The following CAMK1D variants were observed in gnomAD, a reference collection of about 807,000 sequenced individuals.
CAMK1D encodes the protein calcium/calmodulin dependent protein kinase ID, also known as calcium/calmodulin-dependent protein kinase type 1D.
CAMK1D carries 9 observed loss-of-function variants against 47.7 expected under a neutral mutation model. The ratio of observed to expected loss-of-function variants is 0.19; its 90% CI spans 0.11 to 0.33. CAMK1D has a LOEUF of 0.33. Among genes scored for constraint, CAMK1D ranks in the 10% least tolerant of loss-of-function variants. The pLI, the probability that CAMK1D is intolerant of heterozygous loss-of-function variation, is 1.00. For missense variants in CAMK1D, 291 were observed against 488.7 expected, an observed-to-expected ratio of 0.60 and a Z score of 3.81; for synonymous variants, 184 against 184.9, an observed-to-expected ratio of 0.99 and a Z score of 0.04.
chr10:12,574,342 C>T (rs1009259883), intron 2 of CAMK1D, among the ~76,000 whole-genome samples: 1 of 151,816 alleles, frequency 6.6e-6, no homozygotes, highest in Admixed American at 6.6e-5. Flanking sequence ...TGTTCTGTCG[C>T]CTGGGCTGGA....
intron 1 of CAMK1D, among the ~76,000 whole-genome samples, chr10:12,468,127 C>T (rs542614094): frequency 3.8e-4 from 58 of 152,150 alleles, no homozygotes; most frequent in African/African-American, 1.1e-3. Flanking sequence ...GCCATCATGG[C>T]GCACTGCAGC....
chr10:12,435,221 CAAAAAAAAAAAAA>C (rs910066372), intron 1 of CAMK1D, among the ~76,000 whole-genome samples: 3 of 44,030 alleles, frequency 6.8e-5, no homozygotes, highest in South Asian at 1.9e-3. Flanking sequence ...AACTCTGTCT[CAAAAAAAAAAAAA>C]AAAAAAAAAA....
At chr10:12,714,713 C>T (rs1308421932) in intron 3 of CAMK1D, among the ~76,000 whole-genome samples, 2 of 141,264 alleles carry the variant, frequency 1.4e-5, no homozygotes, top group African/African-American at 2.6e-5. Context: ...AGCAAGACTC[C>T]AACTCAAAAA....
At chr10:12,455,823 G>A (rs1056217184) in intron 1 of CAMK1D, among the ~76,000 whole-genome samples, 8 of 152,308 alleles carry the variant, frequency 5.3e-5, no homozygotes, top group African/African-American at 1.4e-4. Flanking sequence ...CATGCTGTCC[G>A]TGCCAAATGA....
At chr10:12,412,933 C>G (rs372376979) in intron 1 of CAMK1D, among the ~76,000 whole-genome samples, 7 of 152,142 alleles carry the variant, frequency 4.6e-5, no homozygotes, top group Admixed American at 4.6e-4. Context: ...TGCCACTTGT[C>G]TTGTGGTGGA....
Position 12,824,562 on chromosome 10 carries a change from G to C in CAMK1D, c.921+10G>C. 1 of 1,610,148 alleles carries C rather than the reference G, an allele frequency of 6.2e-7. No individual in the cohort carries two copies. Among genetic ancestry groups the C allele is most frequent in the Non-Finnish European group, 8.5e-7 (1 of 1,176,588 alleles). ...CAAGAGCAAATGGAGAGTAAGTGTG[G>C]AGTATATGAAATTCCCCGTGGATTA... is the stretch of plus-strand genomic sequence containing the variant. On this transcript the variant is annotated intron_variant, in intron 9 of 10. Transcript: ENST00000619168.
rs576987111 is a variant in CAMK1D at position 12,492,005 on chromosome 10, G to A, written c.93-61220G>A. Among the ~76,000 whole-genome samples the A allele has an allele frequency of 2.4e-3, 359 of 152,174 alleles. 2 individuals are homozygous for A. Among genetic ancestry groups the A allele is most frequent in the Non-Finnish European group, 3.8e-3 (261 of 68,006 alleles). ...TCACCATGTTGGCCAGGCTGGTCTC[G>A]AACTCCTGACCTCAAGTGATCTGCC... On this transcript the variant is annotated intron_variant, in intron 1 of 10. Transcript: ENST00000619168.
intron 2 of CAMK1D, among the ~76,000 whole-genome samples, chr10:12,586,453 G>GAA (rs201388483): frequency 0.053 from 5,865 of 111,646 alleles, 392 homozygotes; most frequent in African/African-American, 0.15. Flanking sequence ...CCTCTCAAAA[G>GAA]AAAAAAAAAA....
chr10:12,833,999 G>A lies in CAMK1D; in HGVS notation c.*5112G>A, dbSNP rs1833464210. 1 of 152,118 alleles carries A rather than the reference G, an allele frequency of 6.6e-6. No individual in the cohort carries two copies. 9.4% of individuals were successfully genotyped at this position (152,118 alleles called of 1,614,324 possible). A position where few individuals can be genotyped will look rare whatever the true frequency, so the allele number is the denominator to read the frequency against. ...GAGGGGCACCTGGTCCTCGGTTGGG[G>A]CTGCAGGTGTGCCTGACATTTGCAA... On this transcript the variant is annotated 3_prime_UTR_variant, in exon 11 of 11. Transcript: ENST00000619168.
chr10:12,709,881 C>G (rs902072765), intron 3 of CAMK1D, among the ~76,000 whole-genome samples: 1 of 152,134 alleles, frequency 6.6e-6, no homozygotes, highest in African/African-American at 2.4e-5. Flanking sequence ...GAAAGATTAC[C>G]TTTGATAAAA....
chr10:12,374,672 T>C (rs1838120700), intron 1 of CAMK1D, among the ~76,000 whole-genome samples: 1 of 152,038 alleles, frequency 6.6e-6, no homozygotes, highest in African/African-American at 2.4e-5. Flanking sequence ...ACCGGGCGCA[T>C]TGGCTCATGC....
chr10:12,422,446 G>A (rs1364392365), intron 1 of CAMK1D, among the ~76,000 whole-genome samples: 1 of 152,130 alleles, frequency 6.6e-6, no homozygotes, highest in Non-Finnish European at 1.5e-5. Flanking sequence ...CATGCCTGGG[G>A]CATTGCCACC....
chr10:12,591,681 A>G (rs1008017852), intron 2 of CAMK1D, among the ~76,000 whole-genome samples: 6 of 152,158 alleles, frequency 3.9e-5, no homozygotes, highest in African/African-American at 7.2e-5. Context: ...CTAAATCTAC[A>G]TAATAGGGTT....
intron 3 of CAMK1D, among the ~76,000 whole-genome samples, chr10:12,750,465 C>T (rs1835893597): frequency 6.6e-6 from 1 of 152,178 alleles, no homozygotes; most frequent in Non-Finnish European, 1.5e-5. Context: ...TGCTGGGGGT[C>T]CCTGCACAAA....
intron 1 of CAMK1D, among the ~76,000 whole-genome samples, chr10:12,376,088 G>A (rs1456460514): frequency 6.7e-6 from 1 of 148,204 alleles, no homozygotes; most frequent in Non-Finnish European, 1.5e-5. Flanking sequence ...ACTTGAACCT[G>A]GGAGGTAGAG....
At chr10:12,619,646 G>T (rs1390895961) in intron 2 of CAMK1D, among the ~76,000 whole-genome samples, 5 of 152,028 alleles carry the variant, frequency 3.3e-5, no homozygotes, top group Non-Finnish European at 7.4e-5. Context: ...TTTCAAGATA[G>T]TTGTAGATTC....
At chr10:12,610,623 A>G (rs1013727148) in intron 2 of CAMK1D, among the ~76,000 whole-genome samples, 4 of 152,196 alleles carry the variant, frequency 2.6e-5, no homozygotes, top group African/African-American at 9.6e-5. Context: ...GTCCTCACCA[A>G]CTGAGACAAG....
At chr10:12,797,924 G>A (rs1838262355) in intron 6 of CAMK1D, among the ~76,000 whole-genome samples, 1 of 152,156 alleles carries the variant, frequency 6.6e-6, no homozygotes, top group South Asian at 2.1e-4. Flanking sequence ...GGTACAGGAG[G>A]TACACAACAG....
At chr10:12,466,329 A>ATAG (rs1833589148) in intron 1 of CAMK1D, among the ~76,000 whole-genome samples, 1 of 152,016 alleles carries the variant, frequency 6.6e-6, no homozygotes, top group Non-Finnish European at 1.5e-5. Flanking sequence ...AATGGTGTGA[A>ATAG]CCTGGGAGGC....
Sources: gnomAD v4.1 joint callset for allele counts (sites outside exome capture counted in the v4.1 genomes callset) on GRCh38, gnomAD v4.1.1 for gene constraint, MANE v1.5 for transcripts, NCBI Gene and HGNC (gene_info 2026-07-23, HGNC 2026-07-21) for gene names.